TTC6: variants seen among roughly 807,000 people sequenced by gnomAD.
TTC6 encodes the protein tetratricopeptide repeat protein 6.
In TTC6, 172 loss-of-function variants were observed where a neutral mutation model predicts 210.4. The observed-to-expected ratio is 0.82, with a 90% CI of 0.72 to 0.93. The LOEUF is 0.93. Among genes scored for constraint, TTC6 ranks in the 40% least tolerant of loss-of-function variants. The pLI, the probability that TTC6 is intolerant of heterozygous loss-of-function variation, is 0.00. For synonymous variants in TTC6, 804 were observed against 819.6 expected (o/e 0.98, Z 0.32); for missense variants, 2,414 against 2,318.1 (o/e 1.04, Z -0.85).
rs561011048 is a variant in TTC6 at position 37,816,428 on chromosome 14, G to A, written c.4690-1150G>A. 5.3e-5 allele frequency among the ~76,000 whole-genome samples: 8 copies of A among 152,242 alleles called. No individual in the cohort carries two copies. The South Asian group carries it at 1.5e-3, about 28-fold the overall frequency. Reference sequence around the variant, plus strand: ...ATTAGCTCTTTTCTGGCTGGGTAGTGTCCTTTGGGGCTGCAGATTTCTGCT... The same window carrying A: ...ATTAGCTCTTTTCTGGCTGGGTAGTATCCTTTGGGGCTGCAGATTTCTGCT... On this transcript the variant is annotated intron_variant, in intron 25 of 30. Transcript: ENST00000553443.
At chr14:37,802,967 A>G (rs1455217530) in intron 20 of TTC6, among the ~76,000 whole-genome samples, 3 of 152,064 alleles carry the variant, frequency 2.0e-5, no homozygotes, top group African/African-American at 7.2e-5. Context: ...TCCTGACCTT[A>G]GGTGATCCAC....
chr14:37,676,179 T>C (rs1466005424), intron 1 of TTC6, among the ~76,000 whole-genome samples: 1 of 152,088 alleles, frequency 6.6e-6, no homozygotes, highest in Non-Finnish European at 1.5e-5. Context: ...AATGCCAAAG[T>C]TGTTGACACT....
intron 1 of TTC6, among the ~76,000 whole-genome samples, chr14:37,653,880 A>G (rs985376934): frequency 3.3e-5 from 5 of 152,214 alleles, no homozygotes; most frequent in Admixed American, 2.0e-4. Context: ...AACATACTAC[A>G]TGCATTATAA....
chr14:37,746,602 A>G (rs1046346395), intron 10 of TTC6, among the ~76,000 whole-genome samples: 3 of 152,154 alleles, frequency 2.0e-5, no homozygotes, highest in African/African-American at 7.2e-5. Context: ...GTTCTGGCTA[A>G]GGCTGTGTGT....
At chr14:37,744,159 G>C (rs2095929061) in intron 10 of TTC6, among the ~76,000 whole-genome samples, 1 of 152,148 alleles carries the variant, frequency 6.6e-6, no homozygotes. Flanking sequence ...GCAACAATTT[G>C]ATGAATGAAT....
At chr14:37,610,077 G>A (rs2095631832) in intron 2 of TTC6, among the ~76,000 whole-genome samples, 1 of 152,174 alleles carries the variant, frequency 6.6e-6, no homozygotes, top group Non-Finnish European at 1.5e-5. Context: ...TTACAGATGA[G>A]CATGCAGAAA....
At chr14:37,676,893 G>A (rs569616654) in intron 1 of TTC6, among the ~76,000 whole-genome samples, 1 of 151,842 alleles carries the variant, frequency 6.6e-6, no homozygotes, top group African/African-American at 2.4e-5. Context: ...TTTATTTTTG[G>A]GCTTACATTT....
At chr14:37,696,077 C>T (rs914099044) in intron 3 of TTC6, among the ~76,000 whole-genome samples, 5 of 152,184 alleles carry the variant, frequency 3.3e-5, no homozygotes, top group African/African-American at 7.2e-5. Context: ...TACTTCATCA[C>T]CCAAGAAGTT....
chr14:37,682,705 C>A, intron 2 of TTC6, 53 bp from the exon 5 acceptor site: 2 of 1,463,218 alleles, frequency 1.4e-6, no homozygotes, highest in Non-Finnish European at 1.8e-6. Flanking sequence ...ACTGAAAAGC[C>A]TAGAAGGACC....
At chr14:37,666,914 T>C (rs2095749289) in intron 1 of TTC6, among the ~76,000 whole-genome samples, 1 of 150,206 alleles carries the variant, frequency 6.7e-6, no homozygotes, top group African/African-American at 2.4e-5. Flanking sequence ...GAAAAAAAAT[T>C]TTATGACTAT....
At chr14:37,602,030 C>A (rs2095616501) in intron 1 of TTC6, among the ~76,000 whole-genome samples, 1 of 152,238 alleles carries the variant, frequency 6.6e-6, no homozygotes, top group Admixed American at 6.5e-5. Flanking sequence ...GAAGGAAAAG[C>A]CTTGCACTAG....
chr14:37,720,627 G>C (rs1383032282), intron 6 of TTC6: 1 of 150,150 alleles, frequency 6.7e-6, no homozygotes, highest in Non-Finnish European at 1.5e-5. Flanking sequence ...TAAGAAAACT[G>C]TGGTACATCC....
At chr14:37,702,463 C>T (rs2095827344) in intron 5 of TTC6, among the ~76,000 whole-genome samples, 1 of 152,096 alleles carries the variant, frequency 6.6e-6, no homozygotes, top group South Asian at 2.1e-4. Flanking sequence ...CTGTGCTCCC[C>T]CGACCCAAAG....
At chr14:37,729,669 G>C (rs186640497) in intron 7 of TTC6, among the ~76,000 whole-genome samples, 3 of 152,246 alleles carry the variant, frequency 2.0e-5, no homozygotes, top group African/African-American at 7.2e-5. Flanking sequence ...CCCTTTCAGA[G>C]ATGTCAAATC....
At chr14:37,633,384 T>C (rs542644877) in intron 1 of TTC6, among the ~76,000 whole-genome samples, 35 of 152,276 alleles carry the variant, frequency 2.3e-4, no homozygotes, top group Non-Finnish European at 4.7e-4. Flanking sequence ...GAGGGAGTTT[T>C]CCAACCCCTT....
chr14:37,665,501 G>T (rs970581753), intron 1 of TTC6, among the ~76,000 whole-genome samples: 9 of 150,154 alleles, frequency 6.0e-5, no homozygotes, highest in African/African-American at 2.2e-4. Context: ...CCAGTCAGTG[G>T]GTATGGCAGG....
Position 37,660,857 on chromosome 14 carries a change from G to A in TTC6, c.940-19294G>A, listed in dbSNP as rs549665170. 9.2e-5 allele frequency among the ~76,000 whole-genome samples: 14 copies of A among 152,266 alleles called. No individual in the cohort carries two copies. In the South Asian group the frequency reaches 2.9e-3, roughly 32 times the overall value. On this transcript the variant is annotated intron_variant, in intron 1 of 30. Transcript: ENST00000553443. ...GCTGTGCCAGAATCTGTTGTTTCTT[G>A]ACTTTTTAATACTGGCCGTTCTGAC...
intron 25 of TTC6, among the ~76,000 whole-genome samples, chr14:37,814,783 CA>C (rs1255473690): frequency 2.0e-5 from 3 of 152,130 alleles, no homozygotes; most frequent in Admixed American, 6.5e-5. Flanking sequence ...AAGATGTGGG[CA>C]GGGGAAGAAG....
chr14:37,706,482 G>A (rs2095835742), intron 5 of TTC6, among the ~76,000 whole-genome samples: 2 of 151,906 alleles, frequency 1.3e-5, no homozygotes, highest in South Asian at 4.1e-4. Flanking sequence ...ACTATCAATT[G>A]GTAAGAGAAA....
Sources: gnomAD v4.1 joint callset for allele counts (sites outside exome capture counted in the v4.1 genomes callset) on GRCh38, gnomAD v4.1.1 for gene constraint, MANE v1.5 for transcripts, NCBI Gene and HGNC (gene_info 2026-07-23, HGNC 2026-07-21) for gene names.